The following TENM3 variants were observed in gnomAD, a reference collection of about 807,000 sequenced individuals.
The protein encoded by TENM3 is teneurin transmembrane protein 3.
Under a neutral mutation model 255.1 loss-of-function variants are expected in TENM3, and 63 were observed. That is an observed-to-expected ratio of 0.25 (90% confidence interval 0.20 to 0.30). TENM3 has a LOEUF of 0.30. TENM3 is among the 10% of genes least tolerant of loss of function. The probability of loss-of-function intolerance (pLI) is 1.00; values close to 1 mark genes in which losing one functional copy is unlikely to be tolerated. For missense variants in TENM3, 2,929 were observed against 3,461.1 expected (o/e 0.85, Z 3.86); for synonymous variants, 1,306 against 1,322.3 (o/e 0.99, Z 0.27).
At chr4:181,929,392 G>T in the TENM3 span, among the ~76,000 whole-genome samples, 2 of 151,780 alleles carry the variant, frequency 1.3e-5, no homozygotes, top group African/African-American at 4.8e-5. Flanking sequence ...CTAGTCTCTG[G>T]TAAAACAGAC....
At chr4:182,519,265 A>C (rs1738314380) in intron 3 of TENM3, among the ~76,000 whole-genome samples, 2 of 152,246 alleles carry the variant, frequency 1.3e-5, no homozygotes, top group South Asian at 4.1e-4. Context: ...TGCATTATTC[A>C]AATTAATTTC....
At chr4:182,412,572 TA>T (rs1420542479) in intron 3 of TENM3, among the ~76,000 whole-genome samples, 1 of 151,940 alleles carries the variant, frequency 6.6e-6, no homozygotes, top group Non-Finnish European at 1.5e-5. Context: ...CATAAAAGAA[TA>T]AGAAATTATG....
intron 1 of TENM3, among the ~76,000 whole-genome samples, chr4:182,289,172 G>C (rs1329379073): frequency 6.6e-6 from 1 of 152,234 alleles, no homozygotes; most frequent in East Asian, 1.9e-4. Flanking sequence ...GGAGGCTTCA[G>C]TGAGCTGTGA....
At chr4:182,632,254 T>C (rs1382263695) in intron 5 of TENM3, among the ~76,000 whole-genome samples, 2 of 152,232 alleles carry the variant, frequency 1.3e-5, no homozygotes, top group Non-Finnish European at 2.9e-5. Flanking sequence ...TTCTTGTACC[T>C]GTGTCCGTGC....
At chr4:182,099,483 TA>T in the TENM3 span, among the ~76,000 whole-genome samples, 1 of 152,196 alleles carries the variant, frequency 6.6e-6, no homozygotes, top group Non-Finnish European at 1.5e-5. Context: ...ACATGGACCA[TA>T]AGCAAGGATT....
At chr4:182,424,924 A>G (rs954500062) in intron 3 of TENM3, among the ~76,000 whole-genome samples, 6 of 152,216 alleles carry the variant, frequency 3.9e-5, no homozygotes, top group African/African-American at 1.4e-4. Context: ...CCAATTGAGT[A>G]TAGAACTATT....
At chr4:181,648,234 T>C in the TENM3 span, among the ~76,000 whole-genome samples, 1 of 152,138 alleles carries the variant, frequency 6.6e-6, no homozygotes, top group Non-Finnish European at 1.5e-5. Context: ...AAGTTTCTAA[T>C]TCACAAGAGT....
At chr4:181,810,255 A>T in the TENM3 span, among the ~76,000 whole-genome samples, 1 of 152,150 alleles carries the variant, frequency 6.6e-6, no homozygotes, top group African/African-American at 2.4e-5. Context: ...CAAGTTACTT[A>T]ACCTCTGAAC....
At chr4:182,491,202 AC>A (rs1735263988) in intron 3 of TENM3, among the ~76,000 whole-genome samples, 1 of 152,212 alleles carries the variant, frequency 6.6e-6, no homozygotes, top group Admixed American at 6.5e-5. Context: ...AACTACCTCC[AC>A]AAAACCATTA....
chr4:182,735,288 G>A (rs77602537), intron 16 of TENM3, among the ~76,000 whole-genome samples: 2,335 of 152,252 alleles, frequency 0.015, 70 homozygotes, highest in African/African-American at 0.054. Flanking sequence ...TTACTGTACT[G>A]TACTGTACCA....
chr4:182,558,889 G>T (rs1742840055), intron 3 of TENM3, among the ~76,000 whole-genome samples: 1 of 152,010 alleles, frequency 6.6e-6, no homozygotes, highest in East Asian at 1.9e-4. Flanking sequence ...ACAGAGAAAA[G>T]TATCCTATCC....
chr4:182,428,811 A>G (rs1278721673), intron 3 of TENM3, among the ~76,000 whole-genome samples: 1 of 152,236 alleles, frequency 6.6e-6, no homozygotes, highest in African/African-American at 2.4e-5. Context: ...ATATAAAAAA[A>G]TTAAAAGAGG....
At chr4:182,491,046 A>G (rs1362445874) in intron 3 of TENM3, among the ~76,000 whole-genome samples, 1 of 152,146 alleles carries the variant, frequency 6.6e-6, no homozygotes, top group East Asian at 1.9e-4. Context: ...ACTTTAAATT[A>G]TTTTCCTGAA....
At chr4:181,768,955 C>T in the TENM3 span, among the ~76,000 whole-genome samples, 1 of 152,026 alleles carries the variant, frequency 6.6e-6, no homozygotes, top group African/African-American at 2.4e-5. Flanking sequence ...TCATTGTGAA[C>T]ATTTGAAAGC....
At chr4:182,268,828 A>C (rs1259712406) in intron 1 of TENM3, among the ~76,000 whole-genome samples, 5 of 152,176 alleles carry the variant, frequency 3.3e-5, no homozygotes, top group African/African-American at 1.2e-4. Flanking sequence ...TTAGCATATC[A>C]TCAAGAAATA....
chr4:181,946,671 G>A, the TENM3 span, among the ~76,000 whole-genome samples: 1 of 152,082 alleles, frequency 6.6e-6, no homozygotes, highest in African/African-American at 2.4e-5. Flanking sequence ...ACATTGCTGG[G>A]AGGTAATAAT....
At chr4:181,940,369 T>C in the TENM3 span, among the ~76,000 whole-genome samples, 1 of 152,172 alleles carries the variant, frequency 6.6e-6, no homozygotes, top group African/African-American at 2.4e-5. Context: ...TGTACACATA[T>C]TTAGCTTCGC....
chr4:182,095,232 T>A, the TENM3 span, among the ~76,000 whole-genome samples: 1 of 152,236 alleles, frequency 6.6e-6, no homozygotes, highest in South Asian at 2.1e-4. Flanking sequence ...ACTCCCATGT[T>A]TAATGCAGTA....
In TENM3 at chr4:182,621,657, TATA is replaced by T. The variant is rs1235566828; in HGVS notation, c.750-6990_750-6988del. Among the ~76,000 whole-genome samples, 32 of 50,976 alleles carry T rather than the reference TATA, an allele frequency of 6.3e-4. 3 individuals are homozygous for T. Among genetic ancestry groups the T allele is most frequent in the African/African-American group, 2.0e-3 (29 of 14,374 alleles). The allele number at this position is 50,976 out of a possible 152,430, so 33.4% of individuals were successfully genotyped here. A position where few individuals can be genotyped will look rare whatever the true frequency, so the allele number is the denominator to read the frequency against. On this transcript the variant is annotated intron_variant, in intron 4 of 27. Transcript: ENST00000511685. ...ATAATATATAATACATATTATAATA[TATA>T]ATATGTATTATATATATAAAATATA...
Sources: gnomAD v4.1 joint callset for allele counts (sites outside exome capture counted in the v4.1 genomes callset) on GRCh38, gnomAD v4.1.1 for gene constraint, MANE v1.5 for transcripts, NCBI Gene and HGNC (gene_info 2026-07-23, HGNC 2026-07-21) for gene names.